Variants in BOK observed in about 807,000 individuals in gnomAD.
The protein encoded by BOK is BCL2 family apoptosis regulator BOK, also known as bcl-2-related ovarian killer protein.
BOK carries 20 observed loss-of-function variants against 18.3 expected under a neutral mutation model. The ratio of observed to expected loss-of-function variants is 1.09; its 90% CI spans 0.77 to 1.59. The LOEUF (loss-of-function observed/expected upper bound fraction) is 1.59, where lower values mean the gene tolerates loss of function less well. BOK is among the 40% of genes most tolerant of loss of function. The pLI is 0.00. For synonymous variants in BOK, 173 were observed against 142.4 expected (o/e 1.21, Z -1.53); for missense variants, 348 against 307.9 (o/e 1.13, Z -0.97).
chr2:241,555,295 T>C (rs1164849691), upstream of BOK, among the ~76,000 whole-genome samples: 1 of 152,082 alleles, frequency 6.6e-6, no homozygotes, highest in African/African-American at 2.4e-5. Context: ...CAAGCAATCC[T>C]CTTGCTTCAG....
rs568754340 is a variant in BOK at position 241,565,980 on chromosome 2, TTTA to T, written c.349+3509_349+3511del. Among the ~76,000 whole-genome samples, 7 of 152,252 alleles carry T rather than the reference TTTA, an allele frequency of 4.6e-5. No homozygotes were observed. The South Asian group carries it at 1.4e-3, about 32-fold the overall frequency. ...TTTATATAATTCTTCTAATTATAGTTTTATTATAAGAAAAATAAAAATGGCTGG... is the reference window on the plus strand; with the variant it reads ...TTTATATAATTCTTCTAATTATAGTTTTATAAGAAAAATAAAAATGGCTGG... On this transcript the variant is annotated intron_variant, in intron 3 of 4. Coordinates refer to ENST00000318407, the MANE Select transcript of BOK (RefSeq NM_032515.5).
rs1295522107 is a variant in BOK, at chr2:241,562,041, C to A, written c.221-307C>A. Among the ~76,000 whole-genome samples, 1 of 152,238 alleles carries A rather than the reference C, an allele frequency of 6.6e-6. No homozygotes were observed. The highest frequency in any genetic ancestry group is 2.4e-5 in the African/African-American group (1 of 41,470). ...CTGTGAGTCACCAGCAGGCACGGCC[C>A]ACGCTCTCGCAGGATTCCCGCCCCA... On this transcript the variant is annotated intron_variant, in intron 2 of 4. Transcript: ENST00000318407. This position sits in a 1 kb window ranked among gnomAD's most constrained non-coding sequence, Gnocchi z 4.5.
chr2:241,569,763 A>G (rs1265800065), intron 3 of BOK, among the ~76,000 whole-genome samples: 1 of 152,056 alleles, frequency 6.6e-6, no homozygotes, highest in African/African-American at 2.4e-5. Context: ...CAGCTTCTTT[A>G]TGTGTAAAAT....
At chr2:241,559,353 G>A (rs985429881) in intron 1 of BOK, 102 bp from the exon 2 acceptor site, 12 of 621,898 alleles carry the variant, frequency 1.9e-5, no homozygotes, top group Non-Finnish European at 2.8e-5. Context: ...CGGACCCGGC[G>A]CCGGCTACGG....
In BOK at chr2:241,572,618, C is replaced by T; in HGVS notation, c.*196C>T. 1 of 819,204 alleles carries T rather than the reference C, an allele frequency of 1.2e-6. No homozygotes were observed. The highest frequency in any genetic ancestry group is 2.7e-5 in the East Asian group (1 of 36,958). The allele number at this position is 819,204 out of a possible 1,614,324, so 50.7% of individuals were successfully genotyped here. Reference sequence around the variant, plus strand: ...GGGAGGGGCTTTCCTGAGCCTGGAGCTGGGCTTTGGGGCAGCCTGCGACCC... The same window carrying T: ...GGGAGGGGCTTTCCTGAGCCTGGAGTTGGGCTTTGGGGCAGCCTGCGACCC... On this transcript the variant is annotated 3_prime_UTR_variant, in exon 5 of 5. Coordinates refer to ENST00000318407, the MANE Select transcript of BOK (RefSeq NM_032515.5).
At chr2:241,554,870 C>T (rs909888513), upstream of BOK, among the ~76,000 whole-genome samples, 7 of 152,216 alleles carry the variant, frequency 4.6e-5, no homozygotes, top group Non-Finnish European at 1.0e-4. Flanking sequence ...GGTATCAGCG[C>T]TCAGAAGCCC....
At chr2:241,560,597 AGT>A (rs1559200211) in intron 2 of BOK, among the ~76,000 whole-genome samples, 4 of 151,808 alleles carry the variant, frequency 2.6e-5, no homozygotes, top group Admixed American at 2.0e-4. Flanking sequence ...CCTGCCCAGG[AGT>A]GTGTGTGGGG....
Position 241,567,471 on chromosome 2 carries a change from G to A in BOK, c.350-2654G>A, listed in dbSNP as rs943314817. On this transcript the variant is annotated intron_variant, in intron 3 of 4. Coordinates refer to ENST00000318407, the MANE Select transcript of BOK (RefSeq NM_032515.5). ...GGAACCGGACACCTCAGAACAGGTT[G>A]TCCCGCAAGCCACACGCAGTGCTGA... Among the ~76,000 whole-genome samples, 3 of 135,290 alleles carry A rather than the reference G, an allele frequency of 2.2e-5. 1 individual carries two copies. The highest frequency in any genetic ancestry group is 1.5e-4 in the Admixed American group (2 of 13,512). 88.8% of individuals were successfully genotyped at this position (135,290 alleles called of 152,430 possible). A position where few individuals can be genotyped will look rare whatever the true frequency, so the allele number is the denominator to read the frequency against.
At chr2:241,561,189 T>G (rs1345145554) in intron 2 of BOK, among the ~76,000 whole-genome samples, 1 of 152,226 alleles carries the variant, frequency 6.6e-6, no homozygotes, top group Non-Finnish European at 1.5e-5. Context: ...CCCTGTTTGC[T>G]TTGGCTGGAG....
In BOK at chr2:241,559,452, C is replaced by G. The variant is rs1193710959; in HGVS notation, c.-29-3C>G. The G allele has an allele frequency of 7.1e-7, 1 of 1,414,448 alleles. No individual in the cohort carries two copies. Among genetic ancestry groups the G allele is most frequent in the African/African-American group, 1.5e-5 (1 of 66,876 alleles). 87.6% of individuals were successfully genotyped at this position (1,414,448 alleles called of 1,614,324 possible). A position where few individuals can be genotyped will look rare whatever the true frequency, so the allele number is the denominator to read the frequency against. Reference sequence around the variant, plus strand: ...CCACCCGGCTGAGCGCTTGTGCCCGCAGGTGCGGCGCCCCCCACCCGCGTC... The same window carrying G: ...CCACCCGGCTGAGCGCTTGTGCCCGGAGGTGCGGCGCCCCCCACCCGCGTC... On this transcript the variant is annotated splice_polypyrimidine_tract_variant and splice_region_variant and intron_variant, in intron 1 of 4. Coordinates refer to ENST00000318407, the MANE Select transcript of BOK (RefSeq NM_032515.5).
chr2:241,572,244 G>GGGGCCT, intron 4 of BOK, 53 bp from the exon 5 acceptor site: 3 of 1,593,596 alleles, frequency 1.9e-6, no homozygotes, highest in Non-Finnish European at 2.6e-6. Flanking sequence ...GGCGGTGCTG[G>GGGGCCT]GGGCCTGGCG....
upstream of BOK, among the ~76,000 whole-genome samples, chr2:241,556,922 G>T (rs2066456726): frequency 6.6e-6 from 1 of 152,202 alleles, no homozygotes; most frequent in Admixed American, 6.5e-5. Context: ...TTTAATTGGT[G>T]TAGGACTATC....
At chr2:241,564,356 C>G (rs1006090191) in intron 3 of BOK, among the ~76,000 whole-genome samples, 1 of 152,192 alleles carries the variant, frequency 6.6e-6, no homozygotes. Context: ...CTGGGGTGGC[C>G]TCAGAGCCTG....
intron 2 of BOK, chr2:241,560,195 G>T: frequency 1.3e-5 from 13 of 985,474 alleles, no homozygotes; most frequent in Non-Finnish European, 1.6e-5. Context: ...CGTTGGTGCT[G>T]TGAGGACATC....
rs1378022383 is a variant in BOK, at chr2:241,562,897, G to C, written c.349+421G>C. ...TGGCAAGGAGCAGGTTTCCCAGACA[G>C]CTCCCGAGTAGATGCTGCCAGGCTG... On this transcript the variant is annotated intron_variant, in intron 3 of 4. Coordinates refer to ENST00000318407, the MANE Select transcript of BOK (RefSeq NM_032515.5). The surrounding 1 kb of genome is among the most constrained non-coding windows in gnomAD (Gnocchi z 4.5). 6.6e-6 allele frequency among the ~76,000 whole-genome samples: 1 copy of C among 152,190 alleles called. No homozygotes were observed. Among genetic ancestry groups the C allele is most frequent in the Non-Finnish European group, 1.5e-5 (1 of 68,034 alleles).
intron 2 of BOK, among the ~76,000 whole-genome samples, chr2:241,560,527 AG>A (rs2066510570): frequency 6.6e-6 from 1 of 152,216 alleles, no homozygotes; most frequent in South Asian, 2.1e-4. Flanking sequence ...CATGGGCTCT[AG>A]GTGGCCCCTG....
In BOK at chr2:241,558,966, C is replaced by G. The variant is rs999044702; in HGVS notation, c.-57C>G. 7.2e-5 allele frequency: 11 copies of G among 151,884 alleles called. No individual in the cohort carries two copies. The highest frequency in any genetic ancestry group is 1.5e-4 in the Non-Finnish European group (10 of 67,886). 9.4% of individuals were successfully genotyped at this position (151,884 alleles called of 1,614,324 possible). On this transcript the variant is annotated 5_prime_UTR_variant, in exon 1 of 5. Transcript: ENST00000318407. ...CAGATCCTGAAGCCAGAACTCCACC[C>G]CGGCGCCCGCGCCATGCGGCGGGAG...
intron 4 of BOK, among the ~76,000 whole-genome samples, chr2:241,571,529 G>T (rs2066720319): frequency 6.6e-6 from 1 of 152,166 alleles, no homozygotes; most frequent in Non-Finnish European, 1.5e-5. Context: ...AATTGGGGGT[G>T]CAGAGGGCAA....
intron 4 of BOK, among the ~76,000 whole-genome samples, chr2:241,571,642 G>A (rs1304722148): frequency 6.6e-6 from 1 of 152,212 alleles, no homozygotes; most frequent in African/African-American, 2.4e-5. Context: ...CATGGGGCTG[G>A]GCACTGTGTG....
Sources: gnomAD v4.1 joint callset for allele counts (sites outside exome capture counted in the v4.1 genomes callset) on GRCh38, gnomAD v4.1.1 for gene constraint, Gnocchi (gnomAD v3.1) non-coding constraint, MANE v1.5 for transcripts, NCBI Gene and HGNC (gene_info 2026-07-23, HGNC 2026-07-21) for gene names.